GLIS3: variants seen among roughly 807,000 people sequenced by gnomAD.
The protein encoded by GLIS3 is GLIS family zinc finger 3.
Under a neutral mutation model 78.6 loss-of-function variants are expected in GLIS3, and 53 were observed. The ratio of observed to expected loss-of-function variants is 0.67; its 90% CI spans 0.54 to 0.85. GLIS3 has a LOEUF of 0.85. Among genes scored for constraint, GLIS3 ranks in the 40% least tolerant of loss-of-function variants. GLIS3 has a pLI of 0.00. For synonymous variants in GLIS3, 684 were observed against 509.9 expected, an observed-to-expected ratio of 1.34 and a Z score of -4.60; for missense variants, 1,703 against 1,231.1, an observed-to-expected ratio of 1.38 and a Z score of -5.74.
chr9:4,382,075 T>TCA, the GLIS3 span, among the ~76,000 whole-genome samples: 3 of 152,214 alleles, frequency 2.0e-5, no homozygotes, highest in Admixed American at 2.0e-4. Flanking sequence ...TCTCGGAATG[T>TCA]CACCCTTTTC....
the GLIS3 span, among the ~76,000 whole-genome samples, chr9:4,379,294 G>C: frequency 1.3e-5 from 2 of 152,112 alleles, no homozygotes; most frequent in Non-Finnish European, 2.9e-5. Flanking sequence ...CTTGAACCTG[G>C]TGCCTTCCCT....
chr9:4,249,585 C>G (rs943849791), intron 2 of GLIS3, among the ~76,000 whole-genome samples: 6 of 152,162 alleles, frequency 3.9e-5, no homozygotes, highest in African/African-American at 9.7e-5. Flanking sequence ...TGGACTTCCT[C>G]TCTTCCTATT....
At chr9:4,094,170 G>C (rs1829754867) in intron 4 of GLIS3, among the ~76,000 whole-genome samples, 1 of 152,180 alleles carries the variant, frequency 6.6e-6, no homozygotes, top group Non-Finnish European at 1.5e-5. Flanking sequence ...GAAGAGAAGA[G>C]GAAAGCAGGA....
At chr9:4,241,229 C>G (rs1181486018) in intron 2 of GLIS3, among the ~76,000 whole-genome samples, 1 of 152,096 alleles carries the variant, frequency 6.6e-6, no homozygotes, top group African/African-American at 2.4e-5. Context: ...GGAAAATGCC[C>G]TCCAAGCCTG....
At chr9:4,421,723 C>G in the GLIS3 span, among the ~76,000 whole-genome samples, 12 of 152,216 alleles carry the variant, frequency 7.9e-5, no homozygotes, top group African/African-American at 2.9e-4. Flanking sequence ...GTGTTAGACA[C>G]AGAAAAGTCC....
intron 2 of GLIS3, among the ~76,000 whole-genome samples, chr9:4,143,321 C>A (rs1391239722): frequency 6.6e-6 from 1 of 152,058 alleles, no homozygotes; most frequent in Non-Finnish European, 1.5e-5. Context: ...AATCCCAGCA[C>A]TTTGGGAGGC....
At chr9:4,348,273 G>C (rs1185195752) in exon 1 of GLIS3, 1 of 152,164 alleles carries the variant, frequency 6.6e-6, no homozygotes, top group East Asian at 1.9e-4. Flanking sequence ...CTAATATGGT[G>C]TCTTCACAAT....
intron 2 of GLIS3, among the ~76,000 whole-genome samples, chr9:4,254,896 G>C (rs544600500): frequency 5.3e-5 from 8 of 151,594 alleles, no homozygotes; most frequent in African/African-American, 1.9e-4. Flanking sequence ...ACCTTCAAGG[G>C]AATAAAGACA....
intron 4 of GLIS3, among the ~76,000 whole-genome samples, chr9:3,981,119 G>C (rs943866763): frequency 5.9e-5 from 9 of 152,162 alleles, no homozygotes; most frequent in Admixed American, 2.6e-4. Flanking sequence ...ACCTCTTGGA[G>C]TTTATGTCCT....
chr9:4,165,808 T>TGCA (rs1554721270), intron 2 of GLIS3, among the ~76,000 whole-genome samples: 43 of 152,156 alleles, frequency 2.8e-4, no homozygotes, highest in Non-Finnish European at 5.4e-4. Flanking sequence ...TAGTCTTCAA[T>TGCA]TGGGTGAGAT....
At chr9:4,192,118 A>C (rs1586931122) in intron 2 of GLIS3, among the ~76,000 whole-genome samples, 1 of 152,208 alleles carries the variant, frequency 6.6e-6, no homozygotes, top group East Asian at 1.9e-4. Flanking sequence ...AAGTAGAACA[A>C]AAATAGTAAA....
At chr9:4,385,801 G>GAAAGAAAGA in the GLIS3 span, among the ~76,000 whole-genome samples, 1 of 66,018 alleles carries the variant, frequency 1.5e-5, no homozygotes, top group East Asian at 3.0e-4. Context: ...AAGAAAGAAA[G>GAAAGAAAGA]AAAGAAAGAA....
At chr9:4,089,136 TG>T (rs1178066689) in intron 4 of GLIS3, among the ~76,000 whole-genome samples, 2 of 152,376 alleles carry the variant, frequency 1.3e-5, no homozygotes, top group East Asian at 1.9e-4. Flanking sequence ...TAGTTTTTTA[TG>T]TTTCTTAATA....
At chr9:4,255,538 G>C (rs1025917896) in intron 2 of GLIS3, among the ~76,000 whole-genome samples, 1 of 152,068 alleles carries the variant, frequency 6.6e-6, no homozygotes, top group African/African-American at 2.4e-5. Context: ...GTGCTAAAAA[G>C]AAATGAGCTA....
chr9:4,252,785 T>C (rs576257573), intron 2 of GLIS3, among the ~76,000 whole-genome samples: 1 of 152,166 alleles, frequency 6.6e-6, no homozygotes. Flanking sequence ...GACCTTTGCG[T>C]GGGGTTTTTG....
At chr9:4,088,180 G>C (rs180682384) in intron 4 of GLIS3, among the ~76,000 whole-genome samples, 73 of 152,312 alleles carry the variant, frequency 4.8e-4, no homozygotes, top group African/African-American at 1.7e-3. Flanking sequence ...GATGAAAAAA[G>C]AGAGATTAGT....
At chr9:4,190,584 T>C (rs546542110) in intron 2 of GLIS3, among the ~76,000 whole-genome samples, 48 of 149,286 alleles carry the variant, frequency 3.2e-4, no homozygotes, top group Non-Finnish European at 5.8e-4. Context: ...ACGGGGAGAA[T>C]GGAACCAAGT....
At chr9:4,262,744 C>G (rs776841737) in intron 2 of GLIS3, among the ~76,000 whole-genome samples, 36 of 152,174 alleles carry the variant, frequency 2.4e-4, no homozygotes, top group Admixed American at 6.5e-4. Flanking sequence ...TTCTGCCACC[C>G]CATTTCCTGC....
intron 2 of GLIS3, among the ~76,000 whole-genome samples, chr9:4,196,989 C>A (rs7871131): frequency 6.6e-5 from 10 of 151,842 alleles, no homozygotes; most frequent in African/African-American, 2.4e-4. Context: ...CCTGGACCAG[C>A]AGCCTAAGCC....
Sources: gnomAD v4.1 joint callset for allele counts (sites outside exome capture counted in the v4.1 genomes callset) on GRCh38, gnomAD v4.1.1 for gene constraint, MANE v1.5 for transcripts, NCBI Gene and HGNC (gene_info 2026-07-23, HGNC 2026-07-21) for gene names.